EYS: variants seen among roughly 807,000 people sequenced by gnomAD.
The protein encoded by EYS is EGF-like photoreceptor maintenance factor, also known as protein eyes shut homolog.
Under a neutral mutation model 282.1 loss-of-function variants are expected in EYS, and 250 were observed. The ratio of observed to expected loss-of-function variants is 0.89; its 90% confidence interval spans 0.80 to 0.98. The LOEUF (loss-of-function observed/expected upper bound fraction) is 0.98, where lower values mean the gene tolerates loss of function less well. EYS is among the 50% of genes least tolerant of loss of function. The pLI is 0.00. For missense variants in EYS, 4,016 were observed against 3,709.0 expected, an observed-to-expected ratio of 1.08 and a Z score of -2.15; for synonymous variants, 1,355 against 1,282.9, an observed-to-expected ratio of 1.06 and a Z score of -1.20.
At chr6:64,367,312 A>C (rs780875146) in intron 29 of EYS, among the ~76,000 whole-genome samples, 3 of 152,118 alleles carry the variant, frequency 2.0e-5, no homozygotes, top group African/African-American at 4.8e-5. Context: ...GAGATTCATA[A>C]GTGTGGCTTT....
intron 1 of EYS, among the ~76,000 whole-genome samples, chr6:65,665,175 C>A (rs370398628): frequency 6.6e-6 from 1 of 152,124 alleles, no homozygotes; most frequent in South Asian, 2.1e-4. Flanking sequence ...TAGGGACATA[C>A]AAGTCATAAT....
intron 2 of EYS, among the ~76,000 whole-genome samples, chr6:65,496,653 A>C (rs188844096): frequency 6.6e-6 from 1 of 152,216 alleles, no homozygotes; most frequent in Non-Finnish European, 1.5e-5. Flanking sequence ...TTGAAGATGG[A>C]ATGACTACGT....
In EYS at chr6:64,152,394, A is replaced by G. The variant is rs540961729; in HGVS notation, c.6425-70392T>C. ...TATGAATAGGTCACATAGAAGAAAT[A>G]TTAGAGATTATTTTAAAATGTGGTT... On this transcript the variant is annotated intron_variant, in intron 31 of 42. Coordinates refer to ENST00000503581, the MANE Select transcript of EYS (RefSeq NM_001142800.2). 1.4e-4 allele frequency among the ~76,000 whole-genome samples: 21 copies of G among 152,334 alleles called. No individual in the cohort carries two copies. In the East Asian group the frequency reaches 4.0e-3, roughly 29 times the overall value.
At chr6:64,254,415 G>T (rs929541477) in intron 30 of EYS, among the ~76,000 whole-genome samples, 5 of 152,058 alleles carry the variant, frequency 3.3e-5, no homozygotes, top group African/African-American at 1.2e-4. Context: ...TGCCAGGAAA[G>T]CTGACCTATC....
chr6:65,540,061 C>T (rs1426503856), intron 2 of EYS, among the ~76,000 whole-genome samples: 6 of 152,178 alleles, frequency 3.9e-5, no homozygotes, highest in African/African-American at 1.2e-4. Flanking sequence ...TTTGCACACA[C>T]TAAACACTTA....
intron 26 of EYS, among the ~76,000 whole-genome samples, chr6:64,446,474 T>A (rs1410414155): frequency 6.6e-6 from 1 of 152,154 alleles, no homozygotes; most frequent in Non-Finnish European, 1.5e-5. Context: ...TTATGAATAT[T>A]TACTCCAACA....
At chr6:64,275,669 T>C (rs1768085798) in intron 30 of EYS, among the ~76,000 whole-genome samples, 5 of 151,404 alleles carry the variant, frequency 3.3e-5, no homozygotes, top group African/African-American at 1.2e-4. Flanking sequence ...GTGTGCCTTA[T>C]TACCTGGCCA....
At chr6:64,966,673 T>G (rs1770105118) in intron 14 of EYS, among the ~76,000 whole-genome samples, 3 of 152,196 alleles carry the variant, frequency 2.0e-5, no homozygotes, top group Admixed American at 1.3e-4. Context: ...GACAACAGTG[T>G]AACATGGTTG....
chr6:64,824,748 A>G (rs1765000003), intron 19 of EYS, among the ~76,000 whole-genome samples: 1 of 151,906 alleles, frequency 6.6e-6, no homozygotes, highest in South Asian at 2.1e-4. Context: ...GACAAAAGAC[A>G]CTTCACTCTG....
At chr6:63,772,166 GA>G (rs1485591531) in intron 40 of EYS, among the ~76,000 whole-genome samples, 8 of 147,682 alleles carry the variant, frequency 5.4e-5, no homozygotes, top group Admixed American at 5.3e-4. Context: ...AAAAAAGAAA[GA>G]TTTTTTTTTT....
chr6:65,119,356 C>T (rs1294963471), intron 12 of EYS, among the ~76,000 whole-genome samples: 1 of 152,124 alleles, frequency 6.6e-6, no homozygotes, highest in African/African-American at 2.4e-5. Context: ...TACCAAGGCA[C>T]AAGGAGCTAC....
chr6:64,390,096 T>C (rs1400516488), intron 28 of EYS, among the ~76,000 whole-genome samples: 1 of 152,108 alleles, frequency 6.6e-6, no homozygotes. Context: ...CACGAGATTA[T>C]ATCCCGCACC....
At chr6:63,926,445 T>G (rs1352841611) in intron 35 of EYS, among the ~76,000 whole-genome samples, 1 of 152,210 alleles carries the variant, frequency 6.6e-6, no homozygotes, top group East Asian at 1.9e-4. Flanking sequence ...ACTTTTACAG[T>G]GCATTTAATG....
chr6:64,014,980 A>G (rs1055351774), intron 33 of EYS, among the ~76,000 whole-genome samples: 1 of 152,166 alleles, frequency 6.6e-6, no homozygotes, highest in African/African-American at 2.4e-5. Flanking sequence ...CAACCAATAT[A>G]AAAATAGGTA....
chr6:65,284,035 A>G (rs1768293091), intron 12 of EYS, among the ~76,000 whole-genome samples: 1 of 152,070 alleles, frequency 6.6e-6, no homozygotes, highest in Admixed American at 6.6e-5. Flanking sequence ...AAAGCGATGC[A>G]CCAGTACTCC....
At chr6:63,785,982 A>G (rs1770350372) in intron 39 of EYS, 1 of 152,148 alleles carries the variant, frequency 6.6e-6, no homozygotes, top group Non-Finnish European at 1.5e-5. Context: ...ATCTACCAAA[A>G]AGCTATCTTC....
chr6:65,512,638 C>A (rs1392609541), intron 2 of EYS, among the ~76,000 whole-genome samples: 1 of 151,956 alleles, frequency 6.6e-6, no homozygotes, highest in African/African-American at 2.4e-5. Flanking sequence ...AAGAAACTCA[C>A]TCAGAACTGC....
chr6:64,795,621 G>C (rs1774331806), intron 22 of EYS, among the ~76,000 whole-genome samples: 1 of 152,110 alleles, frequency 6.6e-6, no homozygotes, highest in African/African-American at 2.4e-5. Context: ...TCACTCTCAA[G>C]GGACCGTGTA....
Position 64,070,280 on chromosome 6 carries a change from AATTG to A in EYS, c.6572-3793_6572-3790del, listed in dbSNP as rs139479455. Among the ~76,000 whole-genome samples the A allele has an allele frequency of 5.9e-3, 898 of 152,222 alleles. 8 individuals carry two copies. Among genetic ancestry groups the A allele is most frequent in the African/African-American group, 0.02 (820 of 41,560 alleles). On this transcript the variant is annotated intron_variant, in intron 32 of 42. Coordinates refer to ENST00000503581, the MANE Select transcript of EYS (RefSeq NM_001142800.2). ...TCAGTCATAATTTTATAACATCACT[AATTG>A]ATCATTTGAAAAATATTGGTTCAGA...
Sources: gnomAD v4.1 joint callset for allele counts (sites outside exome capture counted in the v4.1 genomes callset) on GRCh38, gnomAD v4.1.1 for gene constraint, MANE v1.5 for transcripts, NCBI Gene and HGNC (gene_info 2026-07-23, HGNC 2026-07-21) for gene names.